SLC25A48: variants seen among roughly 807,000 people sequenced by gnomAD.
The protein encoded by SLC25A48 is solute carrier family 25 member 48.
Under a neutral mutation model 32.2 loss-of-function variants are expected in SLC25A48, and 29 were observed. The observed-to-expected ratio is 0.90, with a 90% CI of 0.67 to 1.23. The LOEUF (loss-of-function observed/expected upper bound fraction) is 1.23. Among genes scored for constraint, SLC25A48 ranks in the 50% most tolerant of loss-of-function variants. SLC25A48 has a pLI of 0.00. For synonymous variants in SLC25A48, 164 were observed against 172.3 expected (o/e 0.95, Z 0.38); for missense variants, 399 against 422.7 (o/e 0.94, Z 0.49).
In SLC25A48 at chr5:135,871,601, G is replaced by A; in HGVS notation, c.562G>A (p.Asp188Asn). 1 of 1,614,212 alleles carries A rather than the reference G, an allele frequency of 6.2e-7. No homozygotes were observed. Among genetic ancestry groups the A allele is most frequent in the Non-Finnish European group, 8.5e-7 (1 of 1,180,032 alleles). Residue 188 changes from aspartate (D) to asparagine (N), a missense_variant, in exon 5 of 8, where the codon GAT becomes AAT. Transcript: ENST00000681962. ...GGGGGCCAGTGCCATGCTGCTGAGG[G>A]ATGTCCCAGGCTATTGCCTCTACTT... ...YRGASAMLLR[D>N]VPGYCLYFIP... is the part of the protein sequence containing the mutation.
exon 4 of SLC25A48, chr5:135,812,772 G>T (rs1470278984): frequency 6.6e-6 from 1 of 152,304 alleles, no homozygotes; most frequent in African/African-American, 2.4e-5. Context: ...GAAGCTGTCC[G>T]GCCCCTCTGC....
At chr5:135,785,066 ACT>A (rs1392898639) in intron 3 of SLC25A48, among the ~76,000 whole-genome samples, 1 of 152,070 alleles carries the variant, frequency 6.6e-6, no homozygotes, top group African/African-American at 2.4e-5. Flanking sequence ...GTACACACGC[ACT>A]CTAATAAGGT....
chr5:135,705,260 G>A (rs6596261), intron 3 of SLC25A48, among the ~76,000 whole-genome samples: 135,563 of 152,256 alleles, frequency 0.89, 60,690 homozygotes, highest in African/African-American at 0.97. Context: ...AGCTCAGCGC[G>A]GAGCAAGCAG....
At chr5:135,878,779 G>A (rs1316367803) in intron 6 of SLC25A48, among the ~76,000 whole-genome samples, 3 of 152,190 alleles carry the variant, frequency 2.0e-5, no homozygotes, top group Admixed American at 6.5e-5. Context: ...GTTTCTATCT[G>A]TGCCTGACAG....
chr5:135,619,868 T>C (rs1752281575), intron 1 of SLC25A48, among the ~76,000 whole-genome samples: 1 of 152,228 alleles, frequency 6.6e-6, no homozygotes, highest in Non-Finnish European at 1.5e-5. Context: ...GGCCATACTT[T>C]GGGGACCTGA....
intron 3 of SLC25A48, among the ~76,000 whole-genome samples, chr5:135,789,276 AC>A (rs146012517): frequency 0.015 from 622 of 42,238 alleles, 13 homozygotes; most frequent in East Asian, 0.15. Context: ...GGGGGTGTAC[AC>A]CCCCTGCCAT....
intron 1 of SLC25A48, among the ~76,000 whole-genome samples, chr5:135,596,711 T>G (rs561790415): frequency 2.2e-4 from 33 of 152,274 alleles, no homozygotes; most frequent in Admixed American, 2.0e-3. Flanking sequence ...CAAGGGGAAT[T>G]TTCTTATCCT....
chr5:135,879,605 AGAGAGAGTGTGT>A (rs778786039), intron 6 of SLC25A48, among the ~76,000 whole-genome samples: 9 of 135,360 alleles, frequency 6.6e-5, no homozygotes, highest in African/African-American at 3.2e-4. Flanking sequence ...AGAGAGAGAG[AGAGAGAGTGTGT>A]GTGTGTGTGT....
At chr5:135,582,314 A>G (rs1288536800) in intron 1 of SLC25A48, among the ~76,000 whole-genome samples, 2 of 152,168 alleles carry the variant, frequency 1.3e-5, no homozygotes, top group African/African-American at 2.4e-5. Flanking sequence ...GTCCCCAAGC[A>G]GCTCAGAGTC....
chr5:135,808,968 C>T (rs1177147439), intron 3 of SLC25A48, among the ~76,000 whole-genome samples: 3 of 152,070 alleles, frequency 2.0e-5, no homozygotes, highest in Non-Finnish European at 4.4e-5. Flanking sequence ...TGTTGCTACT[C>T]CCACCAGCCA....
intron 3 of SLC25A48, among the ~76,000 whole-genome samples, chr5:135,806,847 T>G (rs953979094): frequency 1.3e-5 from 2 of 150,272 alleles, no homozygotes; most frequent in African/African-American, 4.8e-5. Flanking sequence ...ACATTAGGTA[T>G]TATAAAATCA....
chr5:135,639,677 G>T (rs1266050155), intron 3 of SLC25A48, among the ~76,000 whole-genome samples: 1 of 152,154 alleles, frequency 6.6e-6, no homozygotes, highest in East Asian at 1.9e-4. Context: ...CATGTATTAG[G>T]AATAAGGACC....
chr5:135,852,933 T>C, intron 4 of SLC25A48, 112 bp downstream of exon 4: 1 of 1,386,106 alleles, frequency 7.2e-7, no homozygotes, highest in Non-Finnish European at 9.7e-7. Context: ...GCATCTACCT[T>C]GTCACCTAGT....
chr5:135,801,265 G>A (rs1370543323), intron 3 of SLC25A48, among the ~76,000 whole-genome samples: 1 of 149,580 alleles, frequency 6.7e-6, no homozygotes, highest in Non-Finnish European at 1.5e-5. Context: ...TGTAATATCC[G>A]GAAGGGTAGG....
intron 3 of SLC25A48, among the ~76,000 whole-genome samples, chr5:135,802,301 C>T (rs1338717005): frequency 4.6e-5 from 7 of 151,604 alleles, no homozygotes; most frequent in Non-Finnish European, 1.0e-4. Context: ...AGATATTACT[C>T]CTACTATCAC....
intron 3 of SLC25A48, among the ~76,000 whole-genome samples, chr5:135,755,395 G>T (rs529010768): frequency 7.2e-5 from 11 of 151,728 alleles, no homozygotes; most frequent in African/African-American, 2.7e-4. Context: ...AAAACAGTAT[G>T]GTATTAATGA....
At chr5:135,699,523 A>G (rs1045176861) in intron 3 of SLC25A48, among the ~76,000 whole-genome samples, 2 of 152,214 alleles carry the variant, frequency 1.3e-5, no homozygotes, top group Admixed American at 6.5e-5. Flanking sequence ...TGCCTCTGGG[A>G]GCAAGGAGGC....
chr5:135,809,137 CA>C (rs1039846185), intron 3 of SLC25A48, among the ~76,000 whole-genome samples: 79 of 141,560 alleles, frequency 5.6e-4, no homozygotes, highest in African/African-American at 8.0e-4. Flanking sequence ...CCCATCTCTA[CA>C]AAAAAAAAAA....
At chr5:135,751,670 CA>C in intron 3 of SLC25A48, among the ~76,000 whole-genome samples, 1 of 152,092 alleles carries the variant, frequency 6.6e-6, no homozygotes, top group Non-Finnish European at 1.5e-5. Context: ...CCTGTCTCTA[CA>C]AAAAATGTAA....
Sources: gnomAD v4.1 joint callset for allele counts (sites outside exome capture counted in the v4.1 genomes callset) on GRCh38, gnomAD v4.1.1 for gene constraint, MANE v1.5 for transcripts, NCBI Gene and HGNC (gene_info 2026-07-23, HGNC 2026-07-21) for gene names.